The following UBE4B variants were observed in gnomAD, a reference collection of about 807,000 sequenced individuals.
UBE4B encodes ubiquitin conjugation factor E4 B.
A neutral mutation model predicts 148.1 loss-of-function variants in UBE4B; 27 were observed. The ratio of observed to expected loss-of-function variants is 0.18; its 90% CI spans 0.13 to 0.25. The LOEUF is 0.25. UBE4B is among the 10% of genes least tolerant of loss of function. The pLI, the probability that UBE4B is intolerant of heterozygous loss-of-function variation, is 1.00. For synonymous variants in UBE4B, 596 were observed against 619.3 expected, an observed-to-expected ratio of 0.96 and a Z score of 0.56; for missense variants, 1,170 against 1,662.4, an observed-to-expected ratio of 0.70 and a Z score of 5.15.
Position 10,129,373 on chromosome 1 carries a change from ACT to A in UBE4B, c.1639-16_1639-15del. On this transcript the variant is annotated splice_polypyrimidine_tract_variant and intron_variant, in intron 11 of 27. Transcript: ENST00000343090. ...GTTTAAGATGAAATGCATTTAAATGACTCTGATCTTATTTCTAGGCACTAGGT... is the reference window on the plus strand; with the variant it reads ...GTTTAAGATGAAATGCATTTAAATGACTGATCTTATTTCTAGGCACTAGGT... 4 of 1,606,308 alleles carry A rather than the reference ACT, an allele frequency of 2.5e-6. No individual in the cohort carries two copies. In the Admixed American group the frequency reaches 6.7e-5, roughly 27 times the overall value.
chr1:10,038,846 C>T (rs1325928055), intron 1 of UBE4B, among the ~76,000 whole-genome samples: 1 of 152,060 alleles, frequency 6.6e-6, no homozygotes, highest in Non-Finnish European at 1.5e-5. Context: ...CCTGTAATCC[C>T]AGCACTTCGG....
intron 2 of UBE4B, among the ~76,000 whole-genome samples, chr1:10,094,131 A>G (rs186916931): frequency 6.6e-6 from 1 of 152,334 alleles, no homozygotes; most frequent in African/African-American, 2.4e-5. Flanking sequence ...AATTTTTAAA[A>G]TTTCAATGTA....
chr1:10,133,071 A>G (rs896812674), intron 15 of UBE4B, among the ~76,000 whole-genome samples: 2 of 146,882 alleles, frequency 1.4e-5, no homozygotes, highest in African/African-American at 4.9e-5. Context: ...GCAGCCAGGA[A>G]CAGACCCAAG....
intron 2 of UBE4B, among the ~76,000 whole-genome samples, chr1:10,078,573 G>A (rs1317367413): frequency 1.3e-5 from 2 of 152,018 alleles, no homozygotes; most frequent in Non-Finnish European, 2.9e-5. Context: ...ACTGTCTCGG[G>A]TTATTTTATT....
At chr1:10,123,814 C>G in intron 10 of UBE4B, among the ~76,000 whole-genome samples, 1 of 152,120 alleles carries the variant, frequency 6.6e-6, no homozygotes. Flanking sequence ...GCTCTTGTTG[C>G]CCAGGCCTAA....
chr1:10,115,164 C>CCTT (rs1165016829), intron 7 of UBE4B, among the ~76,000 whole-genome samples: 2,483 of 137,006 alleles, frequency 0.018, 31 homozygotes, highest in Non-Finnish European at 0.029. Context: ...TAATACCATA[C>CCTT]TTTTTTTTTT....
Position 10,103,973 on chromosome 1 carries a change from G to A in UBE4B, c.580+881G>A, listed in dbSNP as rs183167230. 4.0e-3 allele frequency among the ~76,000 whole-genome samples: 611 copies of A among 152,008 alleles called. 2 individuals carry two copies. The highest frequency in any genetic ancestry group is 0.01 in the Middle Eastern group (3 of 294). On this transcript the variant is annotated intron_variant, in intron 5 of 27. Coordinates refer to ENST00000343090, the MANE Select transcript of UBE4B (RefSeq NM_001105562.3). ...GACAGGATTTCACCATGTTGGCCAG[G>A]ATGGTCTCGATCTCTTGACCTCGTG... is the stretch of plus-strand genomic sequence containing the variant.
At chr1:10,143,859 C>T (rs748382950) in intron 17 of UBE4B, among the ~76,000 whole-genome samples, 6 of 152,232 alleles carry the variant, frequency 3.9e-5, no homozygotes, top group Non-Finnish European at 8.8e-5. Flanking sequence ...GCCACAGCTT[C>T]AGCCAAAACC....
chr1:10,106,077 C>A lies in UBE4B; in HGVS notation c.810-120C>A. ...TTATAATTATTTAGATGTTTATCTG[C>A]TAGATATACTTGAACTGAAATGATT... On this transcript the variant is annotated intron_variant, in intron 6 of 27. Coordinates refer to ENST00000343090, the MANE Select transcript of UBE4B (RefSeq NM_001105562.3). This position sits in a 1 kb window ranked among gnomAD's most constrained non-coding sequence, Gnocchi z 4.2. 1.7e-6 allele frequency: 2 copies of A among 1,160,018 alleles called. No homozygotes were observed. Among genetic ancestry groups the A allele is most frequent in the Non-Finnish European group, 2.4e-6 (2 of 833,768 alleles). 71.9% of individuals were successfully genotyped at this position (1,160,018 alleles called of 1,614,324 possible). A position where few individuals can be genotyped will look rare whatever the true frequency, so the allele number is the denominator to read the frequency against.
chr1:10,113,915 A>G (rs1645262382), intron 7 of UBE4B, among the ~76,000 whole-genome samples: 1 of 152,038 alleles, frequency 6.6e-6, no homozygotes, highest in Non-Finnish European at 1.5e-5. Flanking sequence ...AAATACAAAA[A>G]TTAGCCAGGC....
At chr1:10,151,670 G>T in intron 21 of UBE4B, 109 bp downstream of exon 21, 1 of 930,770 alleles carries the variant, frequency 1.1e-6, no homozygotes, top group Non-Finnish European at 1.7e-6. Context: ...CCTGCTACCT[G>T]TGTGTATAGC....
chr1:10,097,193 C>A (rs1021877566), intron 3 of UBE4B, among the ~76,000 whole-genome samples: 5 of 151,524 alleles, frequency 3.3e-5, no homozygotes, highest in Non-Finnish European at 7.4e-5. Context: ...AGGAAATTAC[C>A]CAGAACGTAC....
intron 1 of UBE4B, among the ~76,000 whole-genome samples, chr1:10,064,610 T>C (rs1046794898): frequency 6.6e-6 from 1 of 152,086 alleles, no homozygotes; most frequent in Non-Finnish European, 1.5e-5. Context: ...TCAGTTCCAC[T>C]CTCTATCACC....
In UBE4B at chr1:10,161,652, G is replaced by A. The variant is rs1264713727; in HGVS notation, c.3198+366G>A. 1.3e-5 allele frequency among the ~76,000 whole-genome samples: 2 copies of A among 152,164 alleles called. No individual in the cohort carries two copies. Among genetic ancestry groups the A allele is most frequent in the South Asian group, 2.1e-4 (1 of 4,830 alleles). ...GGACAAGAATTTGATTTGTTCCTAT[G>A]GGCTTCTCTAGGCAACTGTGTGAAT... On this transcript the variant is annotated intron_variant, in intron 23 of 27. Coordinates refer to ENST00000343090, the MANE Select transcript of UBE4B (RefSeq NM_001105562.3). This position sits in a 1 kb window ranked among gnomAD's most constrained non-coding sequence, Gnocchi z 4.1.
chr1:10,176,484 T>A (rs1285242638), intron 25 of UBE4B, among the ~76,000 whole-genome samples: 1 of 152,230 alleles, frequency 6.6e-6, no homozygotes, highest in Non-Finnish European at 1.5e-5. Context: ...AAGTTTCCAT[T>A]CTTTTTCATT....
intron 1 of UBE4B, among the ~76,000 whole-genome samples, chr1:10,044,613 C>G (rs931290442): frequency 6.6e-6 from 1 of 151,858 alleles, no homozygotes; most frequent in African/African-American, 2.4e-5. Flanking sequence ...CCGCCTGTCT[C>G]GCTTTGTCAC....
intron 1 of UBE4B, among the ~76,000 whole-genome samples, chr1:10,071,212 T>C (rs563508898): frequency 6.6e-6 from 1 of 152,314 alleles, no homozygotes; most frequent in South Asian, 2.1e-4. Flanking sequence ...GCCAATTGGC[T>C]ATTTATTTTT....
intron 1 of UBE4B, among the ~76,000 whole-genome samples, chr1:10,039,523 G>A (rs548112515): frequency 4.3e-4 from 65 of 152,104 alleles, no homozygotes; most frequent in African/African-American, 1.3e-3. Context: ...TCTGGTTCCC[G>A]GGTTCAAGTG....
chr1:10,086,262 C>T (rs775553377), intron 2 of UBE4B, among the ~76,000 whole-genome samples: 8 of 152,126 alleles, frequency 5.3e-5, no homozygotes, highest in Non-Finnish European at 1.0e-4. Context: ...TGAGCCACTG[C>T]GCCTGGCCAA....
Sources: gnomAD v4.1 joint callset for allele counts (sites outside exome capture counted in the v4.1 genomes callset) on GRCh38, gnomAD v4.1.1 for gene constraint, Gnocchi (gnomAD v3.1) non-coding constraint, MANE v1.5 for transcripts, NCBI Gene and HGNC (gene_info 2026-07-23, HGNC 2026-07-21) for gene names.